Variants in TNKS observed in about 807,000 individuals in gnomAD.
TNKS encodes poly [ADP-ribose] polymerase tankyrase-1.
A neutral mutation model predicts 135.8 loss-of-function variants in TNKS; 72 were observed. The observed-to-expected ratio is 0.53, with a 90% CI of 0.44 to 0.64. TNKS has a LOEUF of 0.64. Ranked by LOEUF, TNKS falls within the 30% of genes least tolerant of loss-of-function variation. TNKS has a pLI of 0.00. For synonymous variants in TNKS, 849 were observed against 649.3 expected (o/e 1.31, Z -4.68); for missense variants, 1,769 against 1,674.0 (o/e 1.06, Z -0.99).
At chr8:9,658,097 G>C (rs1445275466) in intron 3 of TNKS, among the ~76,000 whole-genome samples, 1 of 96,240 alleles carries the variant, frequency 1.0e-5, no homozygotes, top group African/African-American at 4.1e-5. Context: ...GCTGGGAAGA[G>C]GCGCTCCTCA....
At chr8:9,655,912 A>C (rs1295130813) in intron 3 of TNKS, among the ~76,000 whole-genome samples, 1 of 152,248 alleles carries the variant, frequency 6.6e-6, no homozygotes, top group Non-Finnish European at 1.5e-5. Flanking sequence ...TGATGAGTTG[A>C]GAGAAGAAGG....
chr8:9,650,093 T>C (rs886741256), intron 3 of TNKS, among the ~76,000 whole-genome samples: 7 of 151,958 alleles, frequency 4.6e-5, no homozygotes, highest in Non-Finnish European at 1.0e-4. Flanking sequence ...GGTTTCACCA[T>C]GTTGCCCAGG....
At chr8:9,766,568 C>G (rs770893068) in intron 25 of TNKS, 143 bp downstream of exon 25, 1 of 658,272 alleles carries the variant, frequency 1.5e-6, no homozygotes, top group Non-Finnish European at 2.2e-6. Flanking sequence ...CTCACGCAAC[C>G]TCCACCTCCT....
chr8:9,669,245 C>T (rs1392571930), intron 3 of TNKS, among the ~76,000 whole-genome samples: 1 of 150,536 alleles, frequency 6.6e-6, no homozygotes, highest in Non-Finnish European at 1.5e-5. Context: ...GGTGAAACCC[C>T]GTCTCTACTA....
chr8:9,676,616 A>G (rs1288357867), intron 3 of TNKS, among the ~76,000 whole-genome samples: 1 of 151,094 alleles, frequency 6.6e-6, no homozygotes, highest in Non-Finnish European at 1.5e-5. Context: ...AAAGAGCTTT[A>G]TTTTTCAGCT....
intron 13 of TNKS, among the ~76,000 whole-genome samples, chr8:9,727,158 T>C (rs895943024): frequency 6.6e-6 from 1 of 152,222 alleles, no homozygotes; most frequent in African/African-American, 2.4e-5. Context: ...TTCACACATT[T>C]ATTCTAGGAA....
At chr8:9,704,435 G>C (rs78475617) in intron 5 of TNKS, among the ~76,000 whole-genome samples, 2 of 152,078 alleles carry the variant, frequency 1.3e-5, no homozygotes, top group South Asian at 4.1e-4. Flanking sequence ...TTTGATTACT[G>C]ATGGCCTTAA....
intron 3 of TNKS, among the ~76,000 whole-genome samples, chr8:9,617,984 G>GTTTTTTTTTTTTTTTTTTTTTTTTTT (rs33956228): frequency 1.1e-5 from 1 of 94,016 alleles, no homozygotes; most frequent in Non-Finnish European, 2.1e-5. Context: ...CTCTTTTTTG[G>GTTTTTTTTTTTTTTTTTTTTTTTTTT]TTTTTTTTTT....
At chr8:9,756,958 T>G (rs1337574908) in intron 20 of TNKS, among the ~76,000 whole-genome samples, 1 of 151,510 alleles carries the variant, frequency 6.6e-6, no homozygotes, top group East Asian at 1.9e-4. Context: ...GTATACTTTT[T>G]TTGTTTTTGT....
intron 26 of TNKS, among the ~76,000 whole-genome samples, chr8:9,771,626 G>A: frequency 8.2e-6 from 1 of 122,230 alleles, no homozygotes; most frequent in African/African-American, 3.2e-5. Flanking sequence ...AGGAAGGAAA[G>A]AGGGAGGGAA....
At chr8:9,644,670 C>T (rs1800847135) in intron 3 of TNKS, among the ~76,000 whole-genome samples, 1 of 152,152 alleles carries the variant, frequency 6.6e-6, no homozygotes, top group African/African-American at 2.4e-5. Context: ...CAACCCACAA[C>T]AGCACCTTCA....
chr8:9,661,547 C>G, intron 3 of TNKS, among the ~76,000 whole-genome samples: 1 of 152,122 alleles, frequency 6.6e-6, no homozygotes, highest in Non-Finnish European at 1.5e-5. Context: ...AAAGCTGAAA[C>G]TGGATCCCTT....
At chr8:9,698,667 G>A (rs192765743) in intron 5 of TNKS, among the ~76,000 whole-genome samples, 1 of 152,156 alleles carries the variant, frequency 6.6e-6, no homozygotes, top group Admixed American at 6.5e-5. Flanking sequence ...TGCATGCCAT[G>A]CTTCCTGGAC....
chr8:9,688,355 A>T (rs1202834097), intron 5 of TNKS, among the ~76,000 whole-genome samples: 1 of 152,224 alleles, frequency 6.6e-6, no homozygotes, highest in Non-Finnish European at 1.5e-5. Context: ...GCAAAAAGAA[A>T]GTGATGAGTT....
chr8:9,758,827 C>T (rs979751774), intron 20 of TNKS, among the ~76,000 whole-genome samples: 17 of 152,232 alleles, frequency 1.1e-4, no homozygotes, highest in African/African-American at 4.1e-4. Context: ...CAGCTCAAAA[C>T]AGCACACATT....
intron 3 of TNKS, among the ~76,000 whole-genome samples, chr8:9,616,550 T>A (rs1799652575): frequency 6.6e-6 from 1 of 152,224 alleles, no homozygotes; most frequent in South Asian, 2.1e-4. Flanking sequence ...AAATATTTTG[T>A]TCTTGTTTAA....
chr8:9,667,322 A>C (rs912719107), intron 3 of TNKS, among the ~76,000 whole-genome samples: 1 of 152,242 alleles, frequency 6.6e-6, no homozygotes, highest in Non-Finnish European at 1.5e-5. Context: ...AACTCTCAGG[A>C]TATATGAACA....
At chr8:9,732,498 A>T (rs1248821089) in intron 14 of TNKS, among the ~76,000 whole-genome samples, 1 of 152,122 alleles carries the variant, frequency 6.6e-6, no homozygotes, top group Non-Finnish European at 1.5e-5. Flanking sequence ...TGAATATTTC[A>T]AACTGTTTCA....
intron 25 of TNKS, 107 bp from the exon 26 acceptor site, chr8:9,769,995 TTAAA>T: frequency 1.1e-6 from 1 of 945,104 alleles, no homozygotes; most frequent in Non-Finnish European, 1.5e-6. Context: ...AAAATGACAT[TTAAA>T]TTAGCTTGCC....
Sources: allele counts gnomAD v4.1 joint callset (sites outside exome capture counted in the v4.1 genomes callset), GRCh38; gene constraint gnomAD v4.1.1; transcripts MANE v1.5; gene names NCBI Gene and HGNC (gene_info 2026-07-23, HGNC 2026-07-21).